HEATR5A: variants seen among roughly 807,000 people sequenced by gnomAD.
The protein encoded by HEATR5A is HEAT repeat-containing protein 5A.
Under a neutral mutation model 218.8 loss-of-function variants are expected in HEATR5A, and 178 were observed. The ratio of observed to expected loss-of-function variants is 0.81; its 90% CI spans 0.72 to 0.92. The LOEUF is 0.92. HEATR5A is among the 40% of genes least tolerant of loss of function. HEATR5A has a pLI of 0.00. For missense variants in HEATR5A, 2,420 were observed against 2,418.9 expected (o/e 1.00, Z -0.01); for synonymous variants, 864 against 871.6 (o/e 0.99, Z 0.15).
At position 31,374,877 on chromosome 14, in the gene HEATR5A, C is replaced by T; in HGVS notation, c.1800G>A (p.Lys600=). 6.2e-7 allele frequency: 1 copy of T among 1,613,714 alleles called. No homozygotes were observed. Among genetic ancestry groups the T allele is most frequent in the South Asian group, 1.1e-5 (1 of 91,000 alleles). The change falls in exon 12 of 36, where the codon AAG becomes AAA. Residue 600 remains lysine (K), a synonymous_variant. Coordinates refer to ENST00000543095, the MANE Select transcript of HEATR5A (RefSeq NM_015473.4). ...GCCATGTAAACGAATCTCCTCGGCT[C>T]TTTTCTGTTTCTAGATCTTTAGGAG... ...PASPKDLETE[K]SRGDSFTWQV... is the part of the protein sequence containing the mutation.
At chr14:31,352,963 A>AAAAAAC (rs144685262) in intron 16 of HEATR5A, among the ~76,000 whole-genome samples, 1 of 147,530 alleles carries the variant, frequency 6.8e-6, no homozygotes, top group Non-Finnish European at 1.5e-5. Context: ...CTCCAAAAAT[A>AAAAAAC]AAAAATAAAA....
At chr14:31,316,033 C>CAA in intron 26 of HEATR5A, 84 bp from the exon 27 acceptor site, 2 of 1,125,218 alleles carry the variant, frequency 1.8e-6, no homozygotes, top group Non-Finnish European at 2.4e-6. Flanking sequence ...CCTGTAATCC[C>CAA]AGCACTTTGG....
chr14:31,320,185 T>C (rs1428719167), intron 25 of HEATR5A: 1 of 589,950 alleles, frequency 1.7e-6, no homozygotes, highest in South Asian at 1.5e-5. Flanking sequence ...TGGCGCGGAG[T>C]TGCAGCTGCA....
Position 31,374,750 on chromosome 14 carries a change from A to C in HEATR5A, c.1861+66T>G, listed in dbSNP as rs568299452. On this transcript the variant is annotated intron_variant, in intron 12 of 35. Coordinates refer to ENST00000543095, the MANE Select transcript of HEATR5A (RefSeq NM_015473.4). ...CGTGTTAAATAAAACATACAAGTAC[A>C]TGTTAAAGACAAAGGGTGGGTAAAA... 913 of 1,430,378 alleles carry C rather than the reference A, an allele frequency of 6.4e-4. 2 individuals are homozygous for C. The highest frequency in any genetic ancestry group is 8.2e-4 in the Non-Finnish European group (866 of 1,058,102). 88.6% of individuals were successfully genotyped at this position (1,430,378 alleles called of 1,614,324 possible). A position where few individuals can be genotyped will look rare whatever the true frequency, so the allele number is the denominator to read the frequency against.
chr14:31,412,252 T>C (rs907703996), intron 1 of HEATR5A, among the ~76,000 whole-genome samples: 4 of 152,212 alleles, frequency 2.6e-5, no homozygotes, highest in African/African-American at 9.7e-5. Flanking sequence ...TTCTGATTAG[T>C]ATTTTGGATC....
At chr14:31,342,803 T>C (rs146190792) in intron 21 of HEATR5A, among the ~76,000 whole-genome samples, 3 of 152,330 alleles carry the variant, frequency 2.0e-5, no homozygotes, top group South Asian at 2.1e-4. Context: ...ACTGAGAAGA[T>C]TGGTTTTAAT....
chr14:31,308,084 T>C (rs529015183), intron 29 of HEATR5A, 64 bp from the exon 30 acceptor site: 1 of 1,432,490 alleles, frequency 7.0e-7, no homozygotes, highest in African/African-American at 1.4e-5. Flanking sequence ...AATTAAGTAA[T>C]TAATCTTATA....
chr14:31,331,732 C>A (rs1900479206), intron 22 of HEATR5A, among the ~76,000 whole-genome samples: 1 of 152,184 alleles, frequency 6.6e-6, no homozygotes, highest in South Asian at 2.1e-4. Flanking sequence ...CCTCAGGAAA[C>A]TTACAATCAT....
At chr14:31,390,910 C>A (rs992008117) in intron 6 of HEATR5A, among the ~76,000 whole-genome samples, 36 of 152,072 alleles carry the variant, frequency 2.4e-4, no homozygotes, top group Admixed American at 2.6e-4. Context: ...TATTCTAGAA[C>A]AAGGCATCGC....
At chr14:31,376,725 G>C (rs895669875) in intron 11 of HEATR5A, among the ~76,000 whole-genome samples, 1 of 152,112 alleles carries the variant, frequency 6.6e-6, no homozygotes, top group African/African-American at 2.4e-5. Context: ...TTAGTTCATA[G>C]TGAAATAATG....
rs74719191 is a variant in HEATR5A, at chr14:31,413,326, A to C, written c.-75+7146T>G. 9.0e-3 allele frequency among the ~76,000 whole-genome samples: 1,368 copies of C among 152,096 alleles called. 16 individuals are homozygous for C. Among genetic ancestry groups the C allele is most frequent in the African/African-American group, 0.031 (1,301 of 41,486 alleles). On this transcript the variant is annotated intron_variant, in intron 1 of 35. Transcript: ENST00000543095. ...AAAGAATTTAACACCGGGACAAGAA[A>C]TTTATAAGAAGTGGGGTGAAAAAGG...
intron 33 of HEATR5A, among the ~76,000 whole-genome samples, chr14:31,301,620 AGAACTGG>A (rs1378104206): frequency 6.6e-6 from 1 of 151,826 alleles, no homozygotes; most frequent in Non-Finnish European, 1.5e-5. Flanking sequence ...CTGCCTTCCG[AGAACTGG>A]GACCATAGGT....
At chr14:31,294,613 G>A (rs1018623642) in intron 34 of HEATR5A, among the ~76,000 whole-genome samples, 11 of 151,836 alleles carry the variant, frequency 7.2e-5, no homozygotes, top group Admixed American at 1.3e-4. Context: ...GTTTCACCTC[G>A]TTGGTCAGGC....
chr14:31,361,042 G>A (rs1424109855), intron 14 of HEATR5A, among the ~76,000 whole-genome samples: 1 of 152,238 alleles, frequency 6.6e-6, no homozygotes, highest in East Asian at 1.9e-4. Flanking sequence ...GGTCAGGTTA[G>A]TATGTTGTTT....
At chr14:31,306,950 T>C in intron 30 of HEATR5A, 71 bp from the exon 31 acceptor site, 1 of 1,240,620 alleles carries the variant, frequency 8.1e-7, no homozygotes, top group Non-Finnish European at 1.1e-6. Context: ...ATACCAATGC[T>C]AAATGCCATG....
rs1899513594 is a variant in HEATR5A at position 31,305,110 on chromosome 14, A to G, written c.5034T>C (p.Leu1678=). The change falls in exon 32 of 36, where the codon CTT becomes CTC. Residue 1678 remains leucine, a synonymous_variant. Coordinates refer to ENST00000543095, the MANE Select transcript of HEATR5A (RefSeq NM_015473.4). ...CAAAGACCAAAGACTTTCCAGGCACAAGTCCTCCGGTGTCCTTTCCCTCTC... is the reference window on the plus strand; with the variant it reads ...CAAAGACCAAAGACTTTCCAGGCACGAGTCCTCCGGTGTCCTTTCCCTCTC... ...EFGEGKDTGG[L]VPGKSLVFAT... 1 of 1,613,888 alleles carries G rather than the reference A, an allele frequency of 6.2e-7. No individual in the cohort carries two copies. Among genetic ancestry groups the G allele is most frequent in the Non-Finnish European group, 8.5e-7 (1 of 1,179,880 alleles).
intron 23 of HEATR5A, among the ~76,000 whole-genome samples, chr14:31,324,870 T>C (rs17660889): frequency 0.032 from 4,810 of 152,238 alleles, 98 homozygotes; most frequent in Non-Finnish European, 0.051. Flanking sequence ...AAACAGCCAG[T>C]GTAAACCATT....
intron 12 of HEATR5A, 138 bp downstream of exon 12, chr14:31,374,678 T>C (rs756633387): frequency 1.0e-5 from 7 of 701,372 alleles, no homozygotes; most frequent in Non-Finnish European, 1.6e-5. Flanking sequence ...TTATAATTTT[T>C]TTGTTCAGTT....
intron 28 of HEATR5A, among the ~76,000 whole-genome samples, 153 bp from the exon 29 acceptor site, chr14:31,309,335 A>G (rs1899660663): frequency 6.6e-6 from 1 of 152,190 alleles, no homozygotes; most frequent in African/African-American, 2.4e-5. Context: ...ACTACTTTCT[A>G]GTTTTTATCA....
Sources: allele counts gnomAD v4.1 joint callset (sites outside exome capture counted in the v4.1 genomes callset), GRCh38; gene constraint gnomAD v4.1.1; transcripts MANE v1.5; gene names NCBI Gene and HGNC (gene_info 2026-07-23, HGNC 2026-07-21).